COL4A6: variants seen among roughly 807,000 people sequenced by gnomAD.
COL4A6 encodes the protein collagen type IV alpha 6 chain.
Under a neutral mutation model 126.7 loss-of-function variants are expected in COL4A6, and 59 were observed. That is an observed-to-expected ratio of 0.47 (90% confidence interval 0.38 to 0.58). The LOEUF (loss-of-function observed/expected upper bound fraction) is 0.58, where lower values mean the gene tolerates loss of function less well. Ranked by LOEUF, COL4A6 falls within the 20% of genes least tolerant of loss-of-function variation. COL4A6 has a pLI of 0.00. For synonymous variants in COL4A6, 547 were observed against 496.6 expected, an observed-to-expected ratio of 1.10 and a Z score of -1.35; for missense variants, 1,285 against 1,337.3, an observed-to-expected ratio of 0.96 and a Z score of 0.61.
chrX:108,213,919 C>T (rs2035782987), intron 6 of COL4A6, 193 bp downstream of exon 6: 2 of 424,824 alleles, frequency 4.7e-6, no homozygotes, highest in Non-Finnish European at 8.1e-6. Flanking sequence ...GTAGCATGTG[C>T]ACACCCCACT....
intron 3 of COL4A6, among the ~76,000 whole-genome samples, chrX:108,228,419 G>A (rs1433845719): frequency 8.9e-6 from 1 of 112,418 alleles, no homozygotes; most frequent in Non-Finnish European, 1.9e-5. Flanking sequence ...TATACATGTA[G>A]GGGCTGAGAA....
chrX:108,212,403 C>G (rs1278515550), intron 6 of COL4A6, among the ~76,000 whole-genome samples: 1 of 111,112 alleles, frequency 9.0e-6, no homozygotes, highest in Admixed American at 9.6e-5. Flanking sequence ...AAAAATGGTT[C>G]AAAGTACACA....
chrX:108,281,406 GA>G (rs1402293743), intron 3 of COL4A6, among the ~76,000 whole-genome samples: 1 of 91,372 alleles, frequency 1.1e-5, no homozygotes, highest in Non-Finnish European at 2.2e-5. Flanking sequence ...TTGCTTCAAA[GA>G]GAATAAAATA....
At chrX:108,424,144 G>A (rs1430892928) in intron 2 of COL4A6, among the ~76,000 whole-genome samples, 1 of 111,832 alleles carries the variant, frequency 8.9e-6, no homozygotes, top group East Asian at 2.8e-4. Flanking sequence ...GGCAAATGGG[G>A]GCAGAAGTCC....
At chrX:108,317,787 A>C (rs1387236888) in intron 2 of COL4A6, among the ~76,000 whole-genome samples, 1 of 111,721 alleles carries the variant, frequency 9.0e-6, no homozygotes, top group Non-Finnish European at 1.9e-5. Context: ...ATTGATCTAT[A>C]TCTCTGTTTT....
intron 37 of COL4A6, 41 bp from the exon 38 acceptor site, chrX:108,165,527 G>A: frequency 1.1e-6 from 1 of 948,243 alleles, no homozygotes; most frequent in Non-Finnish European, 1.4e-6. Context: ...GGCTCTGTGT[G>A]CCCAGAAGAT....
chrX:108,392,295 A>G (rs2040855213), intron 2 of COL4A6, among the ~76,000 whole-genome samples: 1 of 111,637 alleles, frequency 9.0e-6, no homozygotes, highest in Non-Finnish European at 1.9e-5. Context: ...TTCATACCTC[A>G]AAAGACACTA....
chrX:108,432,871 T>TA (rs759600742), intron 2 of COL4A6, among the ~76,000 whole-genome samples: 9 of 108,057 alleles, frequency 8.3e-5, no homozygotes, highest in Non-Finnish European at 1.4e-4. Context: ...AAAACAAAAT[T>TA]AAAAAAAAAC....
Position 108,159,562 on chromosome X carries a change from TCA to T in COL4A6, c.4710_4711del (p.Cys1570Ter). The T allele has an allele frequency of 8.2e-7, 1 of 1,212,151 alleles. No individual in the cohort carries two copies. Among genetic ancestry groups the T allele is most frequent in the Non-Finnish European group, 1.1e-6 (1 of 895,552 alleles). On this transcript the variant is annotated stop_gained and frameshift_variant, in exon 44 of 45. Coordinates refer to ENST00000334504, the MANE Select transcript of COL4A6 (RefSeq NM_033641.4). LOFTEE classifies it high-confidence loss of function. ...CACAGCAATGGCTTGCGAGGGTGCC[TCA>T]CACACAGAGCAGCGGCTGATGTACT... is the stretch of plus-strand genomic sequence containing the variant.
At chrX:108,175,861 G>A in intron 28 of COL4A6, 64 bp from the exon 29 acceptor site, 1 of 995,136 alleles carries the variant, frequency 1.0e-6, no homozygotes, top group South Asian at 2.2e-5. Context: ...GGAGGCTCAG[G>A]GAGGTTGAGT....
intron 2 of COL4A6, among the ~76,000 whole-genome samples, chrX:108,355,133 A>G (rs1453227126): frequency 7.2e-5 from 8 of 111,525 alleles, no homozygotes; most frequent in Non-Finnish European, 1.3e-4. Context: ...AGATCCATCC[A>G]AGGAGACCCA....
intron 2 of COL4A6, among the ~76,000 whole-genome samples, chrX:108,360,683 C>T (rs2040065505): frequency 1.8e-5 from 2 of 109,862 alleles, no homozygotes; most frequent in African/African-American, 6.6e-5. Flanking sequence ...ATTACAGGCA[C>T]CTGCCACCAT....
At position 108,187,961 on chromosome X, in the gene COL4A6, T is replaced by C; in HGVS notation, c.1654A>G (p.Ile552Val). Reference protein sequence around the residue: ...GKKGEPILSTIQGMPGDRGDS... With the variant: ...GKKGEPILSTVQGMPGDRGDS... ...CCCCGATCTCCTGGCATTCCTTGGA[T>C]TGTACTGAGAATTGGTTCCCCCTTC... The change falls in exon 22 of 45, where the codon ATC becomes GTC. Residue 552 changes from isoleucine (I) to valine (V), a missense_variant. Transcript: ENST00000334504. 8.3e-7 allele frequency: 1 copy of C among 1,208,307 alleles called. No homozygotes were observed. Among genetic ancestry groups the C allele is most frequent in the African/African-American group, 1.7e-5 (1 of 57,574 alleles).
At chrX:108,320,516 G>A (rs986407956) in intron 2 of COL4A6, among the ~76,000 whole-genome samples, 2 of 111,340 alleles carry the variant, frequency 1.8e-5, no homozygotes, top group Non-Finnish European at 3.8e-5. Context: ...CTGAGCACAG[G>A]CGGTGGGCAA....
intron 2 of COL4A6, among the ~76,000 whole-genome samples, chrX:108,401,826 G>A (rs1345350986): frequency 1.8e-5 from 2 of 111,143 alleles, no homozygotes; most frequent in Non-Finnish European, 3.8e-5. Flanking sequence ...TTGCCAGGGA[G>A]TTATCCATGT....
At chrX:108,409,292 T>C (rs1298049713) in intron 2 of COL4A6, among the ~76,000 whole-genome samples, 2 of 112,035 alleles carry the variant, frequency 1.8e-5, no homozygotes, top group Non-Finnish European at 3.8e-5. Flanking sequence ...CCCTAAGCTG[T>C]AGCCAATAGA....
intron 2 of COL4A6, among the ~76,000 whole-genome samples, chrX:108,407,225 T>C (rs757537607): frequency 1.8e-5 from 2 of 112,236 alleles, no homozygotes; most frequent in Non-Finnish European, 3.8e-5. Context: ...CAAATGTTTG[T>C]TGCCTCTCCC....
At chrX:108,394,135 T>C (rs936741423) in intron 2 of COL4A6, among the ~76,000 whole-genome samples, 10 of 111,828 alleles carry the variant, frequency 8.9e-5, no homozygotes, top group Admixed American at 5.7e-4. Context: ...GGGACATGGA[T>C]GAAGCTGGAA....
At chrX:108,223,326 C>T (rs1602856385) in intron 3 of COL4A6, among the ~76,000 whole-genome samples, 1 of 111,265 alleles carries the variant, frequency 9.0e-6, no homozygotes, top group Admixed American at 9.5e-5. Context: ...ATATGTATAC[C>T]TGTGTAACAA....
Sources: allele counts gnomAD v4.1 joint callset (sites outside exome capture counted in the v4.1 genomes callset), GRCh38; gene constraint gnomAD v4.1.1; transcripts MANE v1.5; gene names NCBI Gene and HGNC (gene_info 2026-07-23, HGNC 2026-07-21).